The following ALOX15B variants were observed in gnomAD, a reference collection of about 807,000 sequenced individuals.
ALOX15B encodes the protein polyunsaturated fatty acid lipoxygenase ALOX15B.
A neutral mutation model predicts 73.8 loss-of-function variants in ALOX15B; 74 were observed. The ratio of observed to expected loss-of-function variants is 1.00; its 90% CI spans 0.83 to 1.22. The LOEUF (loss-of-function observed/expected upper bound fraction) is 1.22, where lower values mean the gene tolerates loss of function less well. Ranked by LOEUF, ALOX15B falls within the 50% of genes most tolerant of loss-of-function variation. ALOX15B has a pLI of 0.00. For synonymous variants in ALOX15B, 353 were observed against 357.2 expected (o/e 0.99, Z 0.13); for missense variants, 896 against 859.9 (o/e 1.04, Z -0.52).
Position 8,045,665 on chromosome 17 carries a change from C to G in ALOX15B, c.1179C>G (p.Pro393=), listed in dbSNP as rs1268592599. The G allele has an allele frequency of 3.1e-6, 5 of 1,613,986 alleles. No individual in the cohort carries two copies. The highest frequency in any genetic ancestry group is 4.2e-6 in the Non-Finnish European group (5 of 1,180,024). The change falls in exon 8 of 14, where the codon CCC becomes CCG. Residue 393 remains proline, a synonymous_variant. Coordinates refer to ENST00000380183, the MANE Select transcript of ALOX15B (RefSeq NM_001141.3). ...CCCTGGCTACCCTGCGTCAGCTGCCCCACTGCCACCCTCTCTTCAAGGTCA... is the reference window on the plus strand; with the variant it reads ...CCCTGGCTACCCTGCGTCAGCTGCCGCACTGCCACCCTCTCTTCAAGGTCA... ...VFTLATLRQL[P]HCHPLFKLLI...
In ALOX15B at chr17:8,048,590, T is replaced by A. The variant is rs1487258293; in HGVS notation, c.*25T>A. The stretch of plus-strand genomic sequence containing the variant: ...AATCCCAGGGGAACACAGGCCCAGA[T>A]GACATCCCTTTGACCACATCGCTCT... On this transcript the variant is annotated 3_prime_UTR_variant, in exon 14 of 14. Coordinates refer to ENST00000380183, the MANE Select transcript of ALOX15B (RefSeq NM_001141.3). 1 of 1,608,868 alleles carries A rather than the reference T, an allele frequency of 6.2e-7. No individual in the cohort carries two copies. The highest frequency in any genetic ancestry group is 8.5e-7 in the Non-Finnish European group (1 of 1,177,024).
chr17:8,048,004 A>C (rs932191996), intron 13 of ALOX15B, 89 bp downstream of exon 13: 1 of 1,454,282 alleles, frequency 6.9e-7, no homozygotes. Flanking sequence ...CAACCCTGCC[A>C]TCAGGTAGCG....
rs762063307 is a variant in ALOX15B at position 8,045,390 on chromosome 17, C to T, written c.996+6C>T. 1.2e-6 allele frequency: 2 copies of T among 1,613,890 alleles called. No homozygotes were observed. The highest frequency in any genetic ancestry group is 1.3e-5 in the African/African-American group (1 of 74,916). ...TGCTGCCTCTCGCCATCCAGGTATG[C>T]AGTCAGGCAGGGGCAGGGCAGCGTG... On this transcript the variant is annotated splice_donor_region_variant and intron_variant, in intron 7 of 13. Coordinates refer to ENST00000380183, the MANE Select transcript of ALOX15B (RefSeq NM_001141.3).
Position 8,039,518 on chromosome 17 carries a change from C to A in ALOX15B, c.280C>A (p.Leu94Met). Residue 94 changes from leucine (L) to methionine (M), a missense_variant, in exon 2 of 14, where the codon CTG (leucine) becomes ATG (methionine). Leu to Met is a conservative substitution (Grantham distance 15). Transcript: ENST00000380183. ...PDAWFCRWFQ[L>M]TPPRGGHLLF... ...TGCCTGGTTCTGCCGCTGGTTCCAG[C>A]TGACACCGCCGCGGGGCGGCCACCT... 2 of 1,558,766 alleles carry A rather than the reference C, an allele frequency of 1.3e-6. No individual in the cohort carries two copies. Among genetic ancestry groups the A allele is most frequent in the Non-Finnish European group, 8.7e-7 (1 of 1,155,184 alleles).
intron 3 of ALOX15B, among the ~76,000 whole-genome samples, chr17:8,040,646 A>G (rs113709475): frequency 1.5e-3 from 179 of 123,354 alleles, no homozygotes; most frequent in South Asian, 8.0e-3. Context: ...AAAGAAAGAA[A>G]GAAAGAAAAG....
At chr17:8,044,487 G>C (rs1976551607) in intron 5 of ALOX15B, among the ~76,000 whole-genome samples, 1 of 151,978 alleles carries the variant, frequency 6.6e-6, no homozygotes, top group South Asian at 2.1e-4. Context: ...AGGCAACTGG[G>C]TGGGGGATGG....
At position 8,044,855 on chromosome 17, in the gene ALOX15B, G is replaced by A; in HGVS notation, c.703G>A (p.Asp235Asn). ...AEHAFEHWQE[D>N]AFFASQFLNG... ...GCACGCATTTGAGCACTGGCAGGAG[G>A]ACGCCTTCTTCGCCTCCCAGTTCCT... Residue 235 changes from aspartate to asparagine, a missense_variant, in exon 6 of 14, where the codon GAC (aspartate) becomes AAC (asparagine). Physicochemically the swap from Asp to Asn is conservative, Grantham distance 23. Coordinates refer to ENST00000380183, the MANE Select transcript of ALOX15B (RefSeq NM_001141.3). The A allele has an allele frequency of 6.2e-7, 1 of 1,613,680 alleles. No individual in the cohort carries two copies. The highest frequency in any genetic ancestry group is 8.5e-7 in the Non-Finnish European group (1 of 1,179,888).
chr17:8,040,048 G>T, intron 3 of ALOX15B, 65 bp downstream of exon 3: 1 of 1,490,900 alleles, frequency 6.7e-7, no homozygotes, highest in South Asian at 1.2e-5. Context: ...TGAGTGTCCT[G>T]GTCATGACAG....
chr17:8,039,353 G>C lies in ALOX15B; in HGVS notation c.148-33G>C, dbSNP rs200798486. On this transcript the variant is annotated intron_variant, in intron 1 of 13. Coordinates refer to ENST00000380183, the MANE Select transcript of ALOX15B (RefSeq NM_001141.3). Reference sequence around the variant, plus strand: ...GGAGGTGAAGGGGGCGAGCAGGAGGGTCCGGCCTGACGCATACTTAACCTC... The same window carrying C: ...GGAGGTGAAGGGGGCGAGCAGGAGGCTCCGGCCTGACGCATACTTAACCTC... The C allele has an allele frequency of 1.1e-5, 17 of 1,600,650 alleles. No homozygotes were observed. In the African/African-American group the frequency reaches 2.3e-4, roughly 21 times the overall value.
Position 8,047,661 on chromosome 17 carries a change from G to A in ALOX15B, c.1677G>A (p.Gly559=), listed in dbSNP as rs1466942357. The A allele has an allele frequency of 6.2e-7, 1 of 1,612,556 alleles. No individual in the cohort carries two copies. The highest frequency in any genetic ancestry group is 8.5e-7 in the Non-Finnish European group (1 of 1,179,264). Residue 559 remains glycine (G), a synonymous_variant, in exon 12 of 14, where the codon GGG becomes GGA. Transcript: ENST00000380183. ...CSAKHAAVSA[G]QFDSCAWMPN... is the part of the protein sequence containing the mutation. ...CCAAGCATGCGGCTGTCAGTGCAGG[G>A]CAGGTGAGGAAAGGCCAGCGCCCGA...
chr17:8,044,977 G>A lies in ALOX15B; in HGVS notation c.825G>A (p.Gly275=), dbSNP rs1483069716. ...DAMVASVLGP[G]TSLQAELEKG... ...TGGTGGCCTCAGTGTTGGGTCCTGG[G>A]ACCAGCTTGCAGGCTGAGCTAGAGG... Residue 275 remains glycine, a synonymous_variant, in exon 6 of 14, where the codon GGG becomes GGA. Coordinates refer to ENST00000380183, the MANE Select transcript of ALOX15B (RefSeq NM_001141.3). 4 of 1,614,114 alleles carry A rather than the reference G, an allele frequency of 2.5e-6. No homozygotes were observed. Among genetic ancestry groups the A allele is most frequent in the Middle Eastern group, 1.6e-4 (1 of 6,062 alleles).
At chr17:8,040,507 C>T (rs1286030996) in intron 3 of ALOX15B, among the ~76,000 whole-genome samples, 1 of 145,568 alleles carries the variant, frequency 6.9e-6, no homozygotes, top group Non-Finnish European at 1.5e-5. Flanking sequence ...CACGCCATTG[C>T]ACTCCAGCAT....
rs747949041 is a variant in ALOX15B, at chr17:8,045,645, G to GC, written c.1160dup (p.Thr388TyrfsTer49). On this transcript the variant is annotated frameshift_variant, in exon 8 of 14. Coordinates refer to ENST00000380183, the MANE Select transcript of ALOX15B (RefSeq NM_001141.3). LOFTEE classifies it high-confidence loss of function. ...TCTGCTGCCTGAGGTCTTCACCCTG[G>GC]CTACCCTGCGTCAGCTGCCCCACTG... 2.0e-5 allele frequency: 32 copies of GC among 1,614,124 alleles called. No individual in the cohort carries two copies. In the South Asian group the frequency reaches 3.3e-4, roughly 17 times the overall value.
chr17:8,042,910 G>C (rs1346883273), intron 5 of ALOX15B, 26 bp downstream of exon 5: 1 of 1,532,168 alleles, frequency 6.5e-7, no homozygotes, highest in East Asian at 2.4e-5. Flanking sequence ...CAGGGATCCT[G>C]ACCTCTTTCC....
Position 8,047,353 on chromosome 17 carries a change from A to G in ALOX15B, c.1553A>G (p.Lys518Arg), listed in dbSNP as rs1162646196. 1 of 1,614,052 alleles carries G rather than the reference A, an allele frequency of 6.2e-7. No individual in the cohort carries two copies. The highest frequency in any genetic ancestry group is 8.5e-7 in the Non-Finnish European group (1 of 1,179,982). ...LQAWVREIFS[K>R]GFLNQESSGI... is the part of the protein sequence containing the mutation. ...GCCTGGGTCAGAGAGATCTTCTCCA[A>G]GGGCTTCCTAAACCAGGAGAGCTCA... The change falls in exon 11 of 14, where the codon AAG becomes AGG. Residue 518 changes from lysine (K) to arginine (R), a missense_variant. Coordinates refer to ENST00000380183, the MANE Select transcript of ALOX15B (RefSeq NM_001141.3).
At chr17:8,047,993 C>A (rs1435675027) in intron 13 of ALOX15B, 78 bp downstream of exon 13, 23 of 1,490,248 alleles carry the variant, frequency 1.5e-5, no homozygotes, top group Non-Finnish European at 1.9e-5. Context: ...TGGCCCAGAC[C>A]CAACCCTGCC....
chr17:8,046,539 C>G (rs943853086), intron 8 of ALOX15B, 129 bp from the exon 9 acceptor site: 25 of 926,050 alleles, frequency 2.7e-5, no homozygotes, highest in African/African-American at 1.1e-4. Context: ...GACCCCTGTC[C>G]CAGGCTGCCT....
chr17:8,046,632 G>C (rs748072924), intron 8 of ALOX15B, 36 bp from the exon 9 acceptor site: 2 of 1,599,288 alleles, frequency 1.3e-6, no homozygotes, highest in East Asian at 2.3e-5. Flanking sequence ...GAACAACCCA[G>C]GCCTCCCCTA....
At position 8,039,241 on chromosome 17, in the gene ALOX15B, C is replaced by A. The variant is rs138830954; in HGVS notation, c.86C>A (p.Thr29Asn). The A allele has an allele frequency of 9.3e-6, 15 of 1,605,656 alleles. No homozygotes were observed. Among genetic ancestry groups the A allele is most frequent in the Non-Finnish European group, 1.3e-5 (15 of 1,175,798 alleles). Residue 29 changes from threonine (T) to asparagine (N), a missense_variant, in exon 1 of 14, where the codon ACC becomes AAC. Coordinates refer to ENST00000380183, the MANE Select transcript of ALOX15B (RefSeq NM_001141.3). ...AAAGTGTCTGTCAGCATCGTGGGGACCCGGGGAGAGAGCCCCCCACTGCCC... is the reference window on the plus strand; with the variant it reads ...AAAGTGTCTGTCAGCATCGTGGGGAACCGGGGAGAGAGCCCCCCACTGCCC... Reference protein sequence around the residue: ...WDKVSVSIVGTRGESPPLPLD... With the variant: ...WDKVSVSIVGNRGESPPLPLD...
Sources: gnomAD v4.1 joint callset for allele counts (sites outside exome capture counted in the v4.1 genomes callset) on GRCh38, gnomAD v4.1.1 for gene constraint, MANE v1.5 for transcripts, NCBI Gene and HGNC (gene_info 2026-07-23, HGNC 2026-07-21) for gene names.